PRELID3A: variants seen among roughly 807,000 people sequenced by gnomAD.
The protein encoded by PRELID3A is PRELI domain containing 3A, also known as PRELI domain containing protein 3A.
Under a neutral mutation model 23.0 loss-of-function variants are expected in PRELID3A, and 27 were observed. That is an observed-to-expected ratio of 1.17 (90% CI 0.87 to 1.62). PRELID3A has a LOEUF of 1.62. Among genes scored for constraint, PRELID3A ranks in the 40% most tolerant of loss-of-function variants. The probability of loss-of-function intolerance (pLI) is 0.00; values close to 1 mark genes in which losing one functional copy is unlikely to be tolerated. For missense variants in PRELID3A, 231 were observed against 231.4 expected, an observed-to-expected ratio of 1.00 and a Z score of 0.01; for synonymous variants, 87 against 86.4, an observed-to-expected ratio of 1.01 and a Z score of -0.04.
chr18:12,416,464 G>A (rs2029954876), intron 1 of PRELID3A, among the ~76,000 whole-genome samples: 1 of 152,026 alleles, frequency 6.6e-6, no homozygotes, highest in African/African-American at 2.4e-5. Context: ...ACAGGGGTGT[G>A]CCACCATGCC....
At chr18:12,421,389 C>T in intron 2 of PRELID3A, 151 bp from the exon 3 acceptor site, 2 of 623,132 alleles carry the variant, frequency 3.2e-6, no homozygotes, top group South Asian at 4.0e-5. Flanking sequence ...CGGAAGCGCC[C>T]TGGACACAGG....
At chr18:12,425,785 TA>T (rs1410273385) in intron 3 of PRELID3A, among the ~76,000 whole-genome samples, 1 of 150,626 alleles carries the variant, frequency 6.6e-6, no homozygotes, top group Admixed American at 6.6e-5. Flanking sequence ...ACAAAAAATT[TA>T]AAAATTAGCC....
At position 12,425,989 on chromosome 18, in the gene PRELID3A, C is replaced by T. The variant is rs373149892; in HGVS notation, c.292-1052C>T. Among the ~76,000 whole-genome samples the T allele has an allele frequency of 2.6e-5, 4 of 152,070 alleles. No homozygotes were observed. The East Asian group carries it at 5.8e-4, about 22-fold the overall frequency. On this transcript the variant is annotated intron_variant, in intron 3 of 6. Coordinates refer to ENST00000440960, the MANE Select transcript of PRELID3A (RefSeq NM_001142405.2). ...TGGTGGCTCATGCCTGTAATCCCAACACTTTGGGAGGGTAAGGCAGACAGA... is the reference window on the plus strand; with the variant it reads ...TGGTGGCTCATGCCTGTAATCCCAATACTTTGGGAGGGTAAGGCAGACAGA...
chr18:12,414,645 G>C (rs538523093), intron 1 of PRELID3A, among the ~76,000 whole-genome samples: 6 of 152,270 alleles, frequency 3.9e-5, no homozygotes, highest in African/African-American at 1.2e-4. Flanking sequence ...AGAATTGCTT[G>C]AACCCGGGAG....
chr18:12,424,573 A>G (rs759203714), intron 3 of PRELID3A, among the ~76,000 whole-genome samples: 6 of 152,134 alleles, frequency 3.9e-5, no homozygotes, highest in Non-Finnish European at 5.9e-5. Flanking sequence ...ATAACCTGGC[A>G]CTCTGTAGGA....
intron 1 of PRELID3A, among the ~76,000 whole-genome samples, chr18:12,411,229 C>T (rs1003908331): frequency 2.6e-5 from 4 of 151,150 alleles, no homozygotes; most frequent in East Asian, 2.0e-4. Flanking sequence ...TTTAAAAATG[C>T]GGGCGTTTCA....
chr18:12,427,763 C>A (rs2030429545), intron 5 of PRELID3A, among the ~76,000 whole-genome samples: 1 of 151,778 alleles, frequency 6.6e-6, no homozygotes. Flanking sequence ...TCCATTTATG[C>A]TGAGCTCATA....
Position 12,429,353 on chromosome 18 carries a change from T to A in PRELID3A, c.469T>A (p.Trp157Arg). ...NTISSNAKKG[W>R]AAIEWIIEHS... ...CTGAAATCTTTCTGTGTTGCAGGGG[T>A]GGGCTGCTATCGAGTGGATAATTGA... The change falls in exon 6 of 7, where the codon TGG (tryptophan) becomes AGG (arginine). Residue 157 changes from tryptophan to arginine, a missense_variant. By Grantham distance (101) the Trp-to-Arg change is moderately radical. Coordinates refer to ENST00000440960, the MANE Select transcript of PRELID3A (RefSeq NM_001142405.2). The A allele has an allele frequency of 6.2e-7, 1 of 1,613,562 alleles. No individual in the cohort carries two copies. The highest frequency in any genetic ancestry group is 8.5e-7 in the Non-Finnish European group (1 of 1,179,960).
At position 12,426,816 on chromosome 18, in the gene PRELID3A, T is replaced by C. The variant is rs576663640; in HGVS notation, c.292-225T>C. ...GACTGTACCTTGAAGGCCAGAGCCC[T>C]GCTCACATGTGGAGTGGGACATGGG... On this transcript the variant is annotated intron_variant, in intron 3 of 6. Transcript: ENST00000440960. Among the ~76,000 whole-genome samples the C allele has an allele frequency of 2.6e-5, 4 of 152,290 alleles. No individual in the cohort carries two copies. In the South Asian group the frequency reaches 8.3e-4, roughly 32 times the overall value.
chr18:12,420,509 G>A lies in PRELID3A; in HGVS notation c.201+16G>A. The A allele has an allele frequency of 6.6e-7, 1 of 1,507,004 alleles. No individual in the cohort carries two copies. The highest frequency in any genetic ancestry group is 8.9e-7 in the Non-Finnish European group (1 of 1,127,776). 93.4% of individuals were successfully genotyped at this position (1,507,004 alleles called of 1,614,324 possible). ...CGTGAGAGCGGTGAGCGGGGCGGGGGCTGCGGCTCCGAACGCGCCCGACTC... is the reference window on the plus strand; with the variant it reads ...CGTGAGAGCGGTGAGCGGGGCGGGGACTGCGGCTCCGAACGCGCCCGACTC... On this transcript the variant is annotated intron_variant, in intron 2 of 6. Coordinates refer to ENST00000440960, the MANE Select transcript of PRELID3A (RefSeq NM_001142405.2).
At chr18:12,428,255 T>C (rs528439035) in intron 5 of PRELID3A, among the ~76,000 whole-genome samples, 25 of 152,274 alleles carry the variant, frequency 1.6e-4, no homozygotes, top group Admixed American at 9.1e-4. Flanking sequence ...GGAGTCCAGG[T>C]TGCCCTCCCC....
intron 1 of PRELID3A, chr18:12,420,022 A>G: frequency 1.3e-6 from 1 of 779,956 alleles, no homozygotes; most frequent in Non-Finnish European, 1.8e-6. Flanking sequence ...TGTTCACTTG[A>G]GCCTGGGAGG....
intron 2 of PRELID3A, 155 bp from the exon 3 acceptor site, chr18:12,421,385 C>T (rs538734780): frequency 8.3e-6 from 5 of 600,010 alleles, no homozygotes; most frequent in East Asian, 5.7e-5. Flanking sequence ...GGAGCGGAAG[C>T]GCCCTGGACA....
At chr18:12,430,561 G>C (rs979382788) in intron 6 of PRELID3A, among the ~76,000 whole-genome samples, 1 of 148,474 alleles carries the variant, frequency 6.7e-6, no homozygotes, top group Non-Finnish European at 1.5e-5. Context: ...GGTATGTGGA[G>C]TGTGTGTGTG....
chr18:12,430,611 G>C (rs1483874163), intron 6 of PRELID3A, among the ~76,000 whole-genome samples: 5 of 150,804 alleles, frequency 3.3e-5, no homozygotes, highest in African/African-American at 1.2e-4. Flanking sequence ...TGGTGTGTGT[G>C]TGCTCTGTGT....
Position 12,407,971 on chromosome 18 carries a change from C to T in PRELID3A, c.-5C>T. 7.7e-7 allele frequency: 1 copy of T among 1,296,670 alleles called. No individual in the cohort carries two copies. Among genetic ancestry groups the T allele is most frequent in the East Asian group, 3.1e-5 (1 of 31,978 alleles). The allele number at this position is 1,296,670 out of a possible 1,614,324, so 80.3% of individuals were successfully genotyped here. On this transcript the variant is annotated 5_prime_UTR_variant, in exon 1 of 7. Coordinates refer to ENST00000440960, the MANE Select transcript of PRELID3A (RefSeq NM_001142405.2). ...TCGCAGAGCCCGCGCCCTGCGCCGG[C>T]GGCAATGAAGATCTGGAGCTCGGAG...
In PRELID3A at chr18:12,407,930, A is replaced by G. The variant is rs539589555; in HGVS notation, c.-46A>G. ...GCCGCGCCCGGAGCCGCGCGGCCCG[A>G]AGCACCCGGCCCGGATCGCAGAGCC... On this transcript the variant is annotated 5_prime_UTR_variant, in exon 1 of 7. Coordinates refer to ENST00000440960, the MANE Select transcript of PRELID3A (RefSeq NM_001142405.2). 1.1e-5 allele frequency: 14 copies of G among 1,277,612 alleles called. 2 individuals are homozygous for G. The South Asian group carries it at 1.3e-4, about 12-fold the overall frequency. 79.1% of individuals were successfully genotyped at this position (1,277,612 alleles called of 1,614,324 possible). A position where few individuals can be genotyped will look rare whatever the true frequency, so the allele number is the denominator to read the frequency against.
At chr18:12,419,730 G>A (rs1208319484) in intron 1 of PRELID3A, among the ~76,000 whole-genome samples, 1 of 151,940 alleles carries the variant, frequency 6.6e-6, no homozygotes, top group African/African-American at 2.4e-5. Context: ...ACGAGGTCAG[G>A]AGATCGAGAG....
At chr18:12,425,316 A>C (rs2030318212) in intron 3 of PRELID3A, among the ~76,000 whole-genome samples, 1 of 151,844 alleles carries the variant, frequency 6.6e-6, no homozygotes, top group South Asian at 2.1e-4. Context: ...CGAGTGTTTA[A>C]ATTGGTTTTG....
Sources: gnomAD v4.1 joint callset for allele counts (sites outside exome capture counted in the v4.1 genomes callset) on GRCh38, gnomAD v4.1.1 for gene constraint, MANE v1.5 for transcripts, NCBI Gene and HGNC (gene_info 2026-07-23, HGNC 2026-07-21) for gene names.